PTPRU: variants seen among roughly 807,000 people sequenced by gnomAD.
The protein encoded by PTPRU is receptor-type tyrosine-protein phosphatase U.
Under a neutral mutation model 166.3 loss-of-function variants are expected in PTPRU, and 69 were observed. The ratio of observed to expected loss-of-function variants is 0.41; its 90% CI spans 0.34 to 0.51. The LOEUF is 0.51. PTPRU is among the 20% of genes least tolerant of loss of function. The pLI is 0.09. For synonymous variants in PTPRU, 793 were observed against 814.0 expected (o/e 0.97, Z 0.44); for missense variants, 1,657 against 2,013.7 (o/e 0.82, Z 3.39).
rs756949812 is a variant in PTPRU at position 29,303,921 on chromosome 1, G to A, written c.2543G>A (p.Cys848Tyr). Residue 848 changes from cysteine (C) to tyrosine (Y), a missense_variant, in exon 16 of 30, where the codon TGT (cysteine) becomes TAT (tyrosine). This residue lies in a region of PTPRU where 1,190 missense variants were observed against 1,477.4 expected (regional missense o/e 0.81). Coordinates refer to ENST00000373779, the MANE Select transcript of PTPRU (RefSeq NM_133178.4). ...CTGGGGGGCTCCCCGAGGCGTCCCTGTGGCCGGAAGGGCTCCCCATACCAC... is the reference window on the plus strand; with the variant it reads ...CTGGGGGGCTCCCCGAGGCGTCCCTATGGCCGGAAGGGCTCCCCATACCAC... Reference protein sequence around the residue: ...SLLGGSPRRPCGRKGSPYHTG... With the variant: ...SLLGGSPRRPYGRKGSPYHTG... 3 of 1,613,930 alleles carry A rather than the reference G, an allele frequency of 1.9e-6. No individual in the cohort carries two copies. In the South Asian group the frequency reaches 3.3e-5, roughly 18 times the overall value.
At chr1:29,253,555 T>C (rs1487866328) in intron 1 of PTPRU, among the ~76,000 whole-genome samples, 2 of 152,060 alleles carry the variant, frequency 1.3e-5, no homozygotes, top group Non-Finnish European at 2.9e-5. Context: ...CAAAGGGTTT[T>C]ATATATATAA....
intron 26 of PTPRU, among the ~76,000 whole-genome samples, chr1:29,322,574 G>A (rs1264225258): frequency 6.6e-6 from 1 of 152,178 alleles, no homozygotes; most frequent in Non-Finnish European, 1.5e-5. Flanking sequence ...GCCAGGACCT[G>A]AGGCAAAATG....
intron 7 of PTPRU, among the ~76,000 whole-genome samples, chr1:29,261,481 A>C (rs559306461): frequency 6.6e-6 from 1 of 152,238 alleles, no homozygotes; most frequent in Non-Finnish European, 1.5e-5. Context: ...TCAGAAGAGA[A>C]ATTGAGAACA....
chr1:29,279,142 C>A lies in PTPRU; in HGVS notation c.1563+21C>A. The A allele has an allele frequency of 6.5e-7, 1 of 1,527,402 alleles. No homozygotes were observed. The highest frequency in any genetic ancestry group is 8.9e-7 in the Non-Finnish European group (1 of 1,123,472). The allele number at this position is 1,527,402 out of a possible 1,614,324, so 94.6% of individuals were successfully genotyped here. On this transcript the variant is annotated intron_variant, in intron 9 of 29. Coordinates refer to ENST00000373779, the MANE Select transcript of PTPRU (RefSeq NM_133178.4). This position sits in a 1 kb window ranked among gnomAD's most constrained non-coding sequence, Gnocchi z 5.2. ...ATGAGGTGGGTTTGGGACCCTATTA[C>A]AGTGGGGGACCCTGGTGGAAGGTGA...
rs188252564 is a variant in PTPRU, at chr1:29,246,265, C to T, written c.74-9010C>T. Among the ~76,000 whole-genome samples, 20 of 152,364 alleles carry T rather than the reference C, an allele frequency of 1.3e-4. 1 individual carries two copies. The Middle Eastern group carries it at 0.017, about 130-fold the overall frequency. Reference sequence around the variant, plus strand: ...GCCCCTATGGTGTCCTGGCCTTTCACGCTCCTACCACCATGGTATCTGTAG... The same window carrying T: ...GCCCCTATGGTGTCCTGGCCTTTCATGCTCCTACCACCATGGTATCTGTAG... On this transcript the variant is annotated intron_variant, in intron 1 of 29. Transcript: ENST00000373779.
rs375192977 is a variant in PTPRU at position 29,279,591 on chromosome 1, G to A, written c.1699G>A (p.Val567Met). The change falls in exon 10 of 30, where the codon GTG becomes ATG. Residue 567 changes from valine to methionine, a missense_variant. By Grantham distance (21) the Val-to-Met change is conservative. This residue lies in a region of PTPRU where 1,190 missense variants were observed against 1,477.4 expected (regional missense o/e 0.81). Coordinates refer to ENST00000373779, the MANE Select transcript of PTPRU (RefSeq NM_133178.4). This position sits in a 1 kb window ranked among gnomAD's most constrained non-coding sequence, Gnocchi z 5.2. Reference sequence around the variant, plus strand: ...CCCAGGCACCACCTACCTGTTCTCCGTGCGGGCCCGCACAGGCAAAGGCTT... The same window carrying A: ...CCCAGGCACCACCTACCTGTTCTCCATGCGGGCCCGCACAGGCAAAGGCTT... Reference protein sequence around the residue: ...LHPGTTYLFSVRARTGKGFGQ... With the variant: ...LHPGTTYLFSMRARTGKGFGQ... 415 of 1,613,898 alleles carry A rather than the reference G, an allele frequency of 2.6e-4. No individual in the cohort carries two copies. The highest frequency in any genetic ancestry group is 3.4e-4 in the Non-Finnish European group (401 of 1,180,048).
At position 29,236,802 on chromosome 1, in the gene PTPRU, T is replaced by G; in HGVS notation, c.73+85T>G. On this transcript the variant is annotated intron_variant, in intron 1 of 29. Transcript: ENST00000373779. This position sits in a 1 kb window ranked among gnomAD's most constrained non-coding sequence, Gnocchi z 4.6. ...CTCGGAAGAAAGTGTGAGTGTTGAG[T>G]GACCGGGCGTTACGAGCGTGCTCCC... The G allele has an allele frequency of 8.2e-7, 1 of 1,214,932 alleles. No individual in the cohort carries two copies. Among genetic ancestry groups the G allele is most frequent in the Non-Finnish European group, 1.1e-6 (1 of 948,640 alleles). The allele number at this position is 1,214,932 out of a possible 1,614,324, so 75.3% of individuals were successfully genotyped here. A position where few individuals can be genotyped will look rare whatever the true frequency, so the allele number is the denominator to read the frequency against.
rs551313321 is a variant in PTPRU, at chr1:29,308,962, G to A, written c.2821-1782G>A. 5.1e-4 allele frequency among the ~76,000 whole-genome samples: 77 copies of A among 152,284 alleles called. 1 individual carries two copies. In the East Asian group the frequency reaches 6.8e-3, roughly 13 times the overall value. ...GAGGATTGCTTGAGCACTGGAGGTC[G>A]AGGCTGCAGTGGAGACAGTGGCATG... is the stretch of plus-strand genomic sequence containing the variant. On this transcript the variant is annotated intron_variant, in intron 18 of 29. Transcript: ENST00000373779.
intron 1 of PTPRU, among the ~76,000 whole-genome samples, chr1:29,241,991 A>G (rs1684078723): frequency 6.6e-6 from 1 of 151,248 alleles, no homozygotes; most frequent in Non-Finnish European, 1.5e-5. Flanking sequence ...TCCTGGGTTC[A>G]AGCGATTCTC....
chr1:29,267,965 A>G (rs1156764421), intron 7 of PTPRU, among the ~76,000 whole-genome samples: 1 of 152,200 alleles, frequency 6.6e-6, no homozygotes, highest in African/African-American at 2.4e-5. Context: ...AGCTAACTGC[A>G]TTTGCTGATG....
intron 25 of PTPRU, among the ~76,000 whole-genome samples, chr1:29,319,892 G>A (rs1161296653): frequency 6.6e-6 from 1 of 152,098 alleles, no homozygotes; most frequent in African/African-American, 2.4e-5. Flanking sequence ...GGGAGGCTGG[G>A]AGCTAGATCT....
chr1:29,315,300 C>T lies in PTPRU; in HGVS notation c.3228-72C>T. On this transcript the variant is annotated intron_variant, in intron 22 of 29. Coordinates refer to ENST00000373779, the MANE Select transcript of PTPRU (RefSeq NM_133178.4). This position sits in a 1 kb window ranked among gnomAD's most constrained non-coding sequence, Gnocchi z 4.5. ...TGGTGTAGACATGGCCAGTGCCCTC[C>T]TCTCTTCTTCTCCTTAGTCCCGGGC... The T allele has an allele frequency of 2.5e-6, 4 of 1,586,576 alleles. No individual in the cohort carries two copies. Among genetic ancestry groups the T allele is most frequent in the Non-Finnish European group, 3.4e-6 (4 of 1,159,806 alleles).
chr1:29,310,684 G>A, intron 18 of PTPRU, 60 bp from the exon 19 acceptor site: 1 of 1,530,732 alleles, frequency 6.5e-7, no homozygotes, highest in Non-Finnish European at 9.1e-7. Flanking sequence ...GGTAGAGGAG[G>A]TGTGGGGGAG....
chr1:29,242,152 A>G (rs570914271), intron 1 of PTPRU, among the ~76,000 whole-genome samples: 1 of 152,330 alleles, frequency 6.6e-6, no homozygotes, highest in Non-Finnish European at 1.5e-5. Context: ...TCGGCCTCCC[A>G]AAGTGTTGGG....
intron 15 of PTPRU, among the ~76,000 whole-genome samples, chr1:29,295,999 A>G (rs9426412): frequency 0.25 from 38,070 of 152,090 alleles, 6,023 homozygotes; most frequent in East Asian, 0.63. Flanking sequence ...CCTTATATAC[A>G]TACTTCTCGA....
At chr1:29,322,772 ATGTG>A (rs1688215537) in intron 26 of PTPRU, among the ~76,000 whole-genome samples, 1 of 151,804 alleles carries the variant, frequency 6.6e-6, no homozygotes. Context: ...AGCCTGGAGG[ATGTG>A]TGTGTGTATT....
chr1:29,292,085 A>G (rs1686668405), intron 15 of PTPRU, 59 bp downstream of exon 15: 3 of 1,592,234 alleles, frequency 1.9e-6, no homozygotes, highest in African/African-American at 2.7e-5. Context: ...ACCTGAGACA[A>G]TAGGGTCCCC....
chr1:29,280,094 C>T lies in PTPRU; in HGVS notation c.1821C>T (p.Thr607=). 1 of 1,613,692 alleles carries T rather than the reference C, an allele frequency of 6.2e-7. No homozygotes were observed. Among genetic ancestry groups the T allele is most frequent in the South Asian group, 1.1e-5 (1 of 91,048 alleles). ...CACCCCTGGGCGAGTCTGAGAACAC[C>T]ATCACCGTGCTGCTGAGGCCGGCAC... ...MPSPLGESEN[T]ITVLLRPAQG... The change falls in exon 11 of 30, where the codon ACC becomes ACT. Residue 607 remains threonine, a synonymous_variant. Coordinates refer to ENST00000373779, the MANE Select transcript of PTPRU (RefSeq NM_133178.4). The surrounding 1 kb of genome is among the most constrained non-coding windows in gnomAD (Gnocchi z 4.2).
chr1:29,316,248 C>A, intron 24 of PTPRU, 97 bp downstream of exon 24: 1 of 1,394,924 alleles, frequency 7.2e-7, no homozygotes. Flanking sequence ...GGCCAAGAAG[C>A]AGGGACCAGC....
Sources: gnomAD v4.1 joint callset for allele counts (sites outside exome capture counted in the v4.1 genomes callset) on GRCh38, gnomAD v4.1.1 for gene constraint, gnomAD v4.1.1 regional missense constraint, Gnocchi (gnomAD v3.1) non-coding constraint, MANE v1.5 for transcripts, NCBI Gene and HGNC (gene_info 2026-07-23, HGNC 2026-07-21) for gene names.